TTC7B: variants seen among roughly 807,000 people sequenced by gnomAD.
TTC7B encodes the protein tetratricopeptide repeat protein 7B.
A neutral mutation model predicts 106.8 loss-of-function variants in TTC7B; 28 were observed. The observed-to-expected ratio is 0.26, with a 90% CI of 0.19 to 0.36. The LOEUF is 0.36. Among genes scored for constraint, TTC7B ranks in the 10% least tolerant of loss-of-function variants. The pLI, the probability that TTC7B is intolerant of heterozygous loss-of-function variation, is 1.00. For missense variants in TTC7B, 862 were observed against 1,076.4 expected (o/e 0.80, Z 2.79); for synonymous variants, 405 against 430.6 (o/e 0.94, Z 0.74).
rs146489146 is a variant in TTC7B at position 90,533,523 on chromosome 14, A to G, written c.*7845T>C. 1 of 152,416 alleles carries G rather than the reference A, an allele frequency of 6.6e-6. No individual in the cohort carries two copies. Among genetic ancestry groups the G allele is most frequent in the African/African-American group, 2.4e-5 (1 of 41,440 alleles). 9.4% of individuals were successfully genotyped at this position (152,416 alleles called of 1,614,324 possible). A position where few individuals can be genotyped will look rare whatever the true frequency, so the allele number is the denominator to read the frequency against. The stretch of plus-strand genomic sequence containing the variant: ...CTTTATGGTGCACCCCGGGGGCCCC[A>G]TGCCCTGTCCAGGTTGACCTCTGTT... On this transcript the variant is annotated 3_prime_UTR_variant, in exon 20 of 20. Coordinates refer to ENST00000328459, the MANE Select transcript of TTC7B (RefSeq NM_001010854.2).
chr14:90,708,455 G>A (rs182969974), intron 5 of TTC7B, among the ~76,000 whole-genome samples: 4 of 152,242 alleles, frequency 2.6e-5, no homozygotes, highest in Admixed American at 6.5e-5. Flanking sequence ...AAATCCTAGG[G>A]CCCTTAAGAA....
intron 19 of TTC7B, among the ~76,000 whole-genome samples, chr14:90,552,576 T>C (rs1890132702): frequency 6.6e-6 from 1 of 152,086 alleles, no homozygotes; most frequent in African/African-American, 2.4e-5. Context: ...TGTGGCCACT[T>C]CACCTCCAGA....
chr14:90,689,856 G>A (rs1398976145), intron 6 of TTC7B, 144 bp from the exon 7 acceptor site: 1 of 813,114 alleles, frequency 1.2e-6, no homozygotes, highest in Non-Finnish European at 1.8e-6. Flanking sequence ...CTTTACGATG[G>A]TAATCATACC....
intron 5 of TTC7B, among the ~76,000 whole-genome samples, chr14:90,696,023 G>A (rs1428847508): frequency 6.6e-6 from 1 of 152,008 alleles, no homozygotes; most frequent in Non-Finnish European, 1.5e-5. Context: ...AAAAAAACAG[G>A]AACTCCACCA....
chr14:90,763,505 C>A (rs1488840667), intron 3 of TTC7B, among the ~76,000 whole-genome samples: 4 of 152,148 alleles, frequency 2.6e-5, no homozygotes, highest in Admixed American at 6.6e-5. Flanking sequence ...GAGATACTAT[C>A]CAGCACAATT....
chr14:90,715,944 A>G (rs1432740645), intron 5 of TTC7B, among the ~76,000 whole-genome samples: 1 of 152,222 alleles, frequency 6.6e-6, no homozygotes, highest in Non-Finnish European at 1.5e-5. Flanking sequence ...CCCCCAGTAC[A>G]GACCTTCATT....
chr14:90,749,964 A>G (rs1023789460), intron 3 of TTC7B, among the ~76,000 whole-genome samples: 4 of 152,160 alleles, frequency 2.6e-5, no homozygotes, highest in African/African-American at 9.7e-5. Flanking sequence ...CTCAATATTC[A>G]TTTTCTTTCC....
chr14:90,673,057 C>A (rs1293263676), intron 9 of TTC7B, among the ~76,000 whole-genome samples: 2 of 152,194 alleles, frequency 1.3e-5, no homozygotes, highest in African/African-American at 4.8e-5. Flanking sequence ...CCAAAGCTCT[C>A]TGACTCTAGA....
chr14:90,623,265 A>G (rs771147181), intron 15 of TTC7B, among the ~76,000 whole-genome samples: 4 of 152,236 alleles, frequency 2.6e-5, no homozygotes, highest in African/African-American at 7.2e-5. Context: ...GCTGCCAGAC[A>G]CTTTAAATAT....
chr14:90,631,972 G>C (rs922516680), intron 15 of TTC7B, among the ~76,000 whole-genome samples: 1 of 152,098 alleles, frequency 6.6e-6, no homozygotes, highest in Non-Finnish European at 1.5e-5. Flanking sequence ...AGGGGATGGG[G>C]TTTTGTTTCG....
chr14:90,559,478 G>T (rs2139781879), intron 19 of TTC7B, among the ~76,000 whole-genome samples: 1 of 152,354 alleles, frequency 6.6e-6, no homozygotes, highest in East Asian at 1.9e-4. Flanking sequence ...CAGCCTCCCT[G>T]CAACCCATCT....
Position 90,577,401 on chromosome 14 carries a change from G to A in TTC7B, c.2310+705C>T, listed in dbSNP as rs753378505. Among the ~76,000 whole-genome samples the A allele has an allele frequency of 3.5e-4, 54 of 152,188 alleles. No homozygotes were observed. Among genetic ancestry groups the A allele is most frequent in the Non-Finnish European group, 6.8e-4 (46 of 68,034 alleles). ...GCAGTGTCCCCACCTAACTGAAACC[G>A]ACACGGCCAGGTGGCCGGCTCCAGG... On this transcript the variant is annotated intron_variant, in intron 19 of 19. Transcript: ENST00000328459. This position sits in a 1 kb window ranked among gnomAD's most constrained non-coding sequence, Gnocchi z 5.0.
chr14:90,808,799 A>G lies in TTC7B; in HGVS notation c.121+7376T>C, dbSNP rs186815273. ...TGCAACCCGCCACCATCTACCAAGC[A>G]TGAGGTCATTCAGAGGGGCAGGAAT... is the stretch of plus-strand genomic sequence containing the variant. On this transcript the variant is annotated intron_variant, in intron 1 of 19. Coordinates refer to ENST00000328459, the MANE Select transcript of TTC7B (RefSeq NM_001010854.2). This position sits in a 1 kb window ranked among gnomAD's most constrained non-coding sequence, Gnocchi z 4.2. Among the ~76,000 whole-genome samples, 541 of 152,336 alleles carry G rather than the reference A, an allele frequency of 3.6e-3. 1 individual carries two copies. Among genetic ancestry groups the G allele is most frequent in the Non-Finnish European group, 6.1e-3 (416 of 68,024 alleles).
At chr14:90,597,807 T>C (rs576847078) in intron 17 of TTC7B, among the ~76,000 whole-genome samples, 4 of 152,316 alleles carry the variant, frequency 2.6e-5, no homozygotes, top group African/African-American at 9.6e-5. Flanking sequence ...CAGCACATTT[T>C]TAAAGAACCC....
intron 5 of TTC7B, among the ~76,000 whole-genome samples, chr14:90,727,118 G>A (rs773255975): frequency 3.3e-5 from 5 of 152,282 alleles, no homozygotes; most frequent in African/African-American, 9.6e-5. Flanking sequence ...AGAGGAGGGC[G>A]AGGAGAAAGA....
At chr14:90,813,840 C>T (rs1194101451) in intron 1 of TTC7B, among the ~76,000 whole-genome samples, 1 of 152,092 alleles carries the variant, frequency 6.6e-6, no homozygotes, top group Non-Finnish European at 1.5e-5. Context: ...ATGGGGGAGC[C>T]GGTGCCCCCA....
At chr14:90,559,053 A>G (rs908838786) in intron 19 of TTC7B, among the ~76,000 whole-genome samples, 136 of 152,342 alleles carry the variant, frequency 8.9e-4, no homozygotes, top group African/African-American at 3.2e-3. Flanking sequence ...TTCAATATGG[A>G]ATAATTCAGT....
At chr14:90,660,111 G>T (rs543285165) in intron 9 of TTC7B, among the ~76,000 whole-genome samples, 1 of 151,984 alleles carries the variant, frequency 6.6e-6, no homozygotes, top group Non-Finnish European at 1.5e-5. Flanking sequence ...GCGGCTGGGC[G>T]CAGTGGCTCA....
chr14:90,680,720 T>C (rs959216740), intron 7 of TTC7B, among the ~76,000 whole-genome samples, 185 bp from the exon 8 acceptor site: 2 of 152,226 alleles, frequency 1.3e-5, no homozygotes, highest in African/African-American at 4.8e-5. Context: ...ATTTTAGCTA[T>C]GCATTTTAGT....
Sources: allele counts gnomAD v4.1 joint callset (sites outside exome capture counted in the v4.1 genomes callset), GRCh38; gene constraint gnomAD v4.1.1; non-coding constraint Gnocchi (gnomAD v3.1); transcripts MANE v1.5; gene names NCBI Gene and HGNC (gene_info 2026-07-23, HGNC 2026-07-21).